The following GPC6 variants were observed in gnomAD, a reference collection of about 807,000 sequenced individuals.
GPC6 encodes glypican-6.
Under a neutral mutation model 55.2 loss-of-function variants are expected in GPC6, and 14 were observed. That is an observed-to-expected ratio of 0.25 (90% CI 0.17 to 0.40). The LOEUF (loss-of-function observed/expected upper bound fraction) is 0.40. Ranked by LOEUF, GPC6 falls within the 10% of genes least tolerant of loss-of-function variation. The pLI, the probability that GPC6 is intolerant of heterozygous loss-of-function variation, is 1.00. For missense variants in GPC6, 641 were observed against 708.5 expected (o/e 0.90, Z 1.08); for synonymous variants, 278 against 259.6 (o/e 1.07, Z -0.68).
intron 4 of GPC6, among the ~76,000 whole-genome samples, chr13:94,144,027 G>T (rs541860676): frequency 1.4e-4 from 21 of 152,306 alleles, no homozygotes; most frequent in Admixed American, 6.5e-4. Flanking sequence ...GTTGTTAAAC[G>T]TTTGATTTTG....
At chr13:94,365,830 T>C (rs1285685970) in intron 6 of GPC6, among the ~76,000 whole-genome samples, 1 of 152,180 alleles carries the variant, frequency 6.6e-6, no homozygotes, top group Non-Finnish European at 1.5e-5. Context: ...CCTGGTAAGT[T>C]CCAAATGTCT....
At chr13:93,866,686 C>T (rs1888975711) in intron 3 of GPC6, among the ~76,000 whole-genome samples, 1 of 151,534 alleles carries the variant, frequency 6.6e-6, no homozygotes. Flanking sequence ...CATGGACACA[C>T]AGAAGGGAAC....
chr13:94,336,076 C>G (rs965834045), intron 6 of GPC6, among the ~76,000 whole-genome samples: 1 of 152,010 alleles, frequency 6.6e-6, no homozygotes, highest in African/African-American at 2.4e-5. Flanking sequence ...CCCTGCAAAG[C>G]ATTTTGCTGG....
At chr13:93,492,442 G>A (rs372241094) in intron 1 of GPC6, among the ~76,000 whole-genome samples, 1 of 149,960 alleles carries the variant, frequency 6.7e-6, no homozygotes, top group African/African-American at 2.5e-5. Context: ...GGGGTTTTCT[G>A]GATAAACAAT....
chr13:94,163,561 G>T (rs1479621143), intron 4 of GPC6, among the ~76,000 whole-genome samples: 1 of 152,108 alleles, frequency 6.6e-6, no homozygotes, highest in Non-Finnish European at 1.5e-5. Flanking sequence ...TTTTTAAAAG[G>T]TAGCTTTATT....
intron 2 of GPC6, among the ~76,000 whole-genome samples, chr13:93,651,176 G>C (rs1324565693): frequency 6.6e-6 from 1 of 151,576 alleles, no homozygotes; most frequent in African/African-American, 2.4e-5. Flanking sequence ...AAATGCAGAA[G>C]ATTATTAAAA....
intron 1 of GPC6, among the ~76,000 whole-genome samples, chr13:93,307,051 T>G (rs1823468051): frequency 6.6e-6 from 1 of 152,162 alleles, no homozygotes. Flanking sequence ...TTTTTATTTC[T>G]TTTCTGTTTT....
chr13:94,284,487 C>T (rs1478554132), intron 4 of GPC6, among the ~76,000 whole-genome samples: 1 of 151,404 alleles, frequency 6.6e-6, no homozygotes, highest in Non-Finnish European at 1.5e-5. Context: ...TACTTTTAGA[C>T]ATCATGTTAT....
At chr13:94,366,153 T>G (rs1029119874) in intron 6 of GPC6, among the ~76,000 whole-genome samples, 25 of 152,220 alleles carry the variant, frequency 1.6e-4, no homozygotes, top group Non-Finnish European at 2.1e-4. Flanking sequence ...ATGAGTTTCC[T>G]AAGTATCATC....
At chr13:94,249,288 C>T (rs1465464579) in intron 4 of GPC6, among the ~76,000 whole-genome samples, 3 of 152,112 alleles carry the variant, frequency 2.0e-5, no homozygotes, top group Non-Finnish European at 2.9e-5. Flanking sequence ...AGTGTAATCA[C>T]ACATCATTAG....
At chr13:93,384,457 G>A (rs979231332) in intron 1 of GPC6, among the ~76,000 whole-genome samples, 15 of 151,440 alleles carry the variant, frequency 9.9e-5, no homozygotes, top group Admixed American at 2.6e-4. Context: ...TGATTGGATC[G>A]ATGAATATGA....
intron 1 of GPC6, among the ~76,000 whole-genome samples, chr13:93,455,436 T>C (rs1237564023): frequency 6.6e-6 from 1 of 151,904 alleles, no homozygotes; most frequent in Non-Finnish European, 1.5e-5. Context: ...GCCTTCAGCT[T>C]GGGTATGTTT....
intron 4 of GPC6, among the ~76,000 whole-genome samples, chr13:94,242,059 C>T (rs952343292): frequency 1.3e-5 from 2 of 151,840 alleles, no homozygotes; most frequent in Admixed American, 6.6e-5. Flanking sequence ...CTAATGCTAT[C>T]CCTCCCCACT....
intron 2 of GPC6, among the ~76,000 whole-genome samples, chr13:93,739,183 G>A (rs929271100): frequency 2.0e-5 from 3 of 151,866 alleles, no homozygotes; most frequent in Non-Finnish European, 4.4e-5. Context: ...AAATTCATGG[G>A]AAAATTGTTA....
chr13:93,732,119 C>A (rs1883845881), intron 2 of GPC6, among the ~76,000 whole-genome samples: 2 of 152,162 alleles, frequency 1.3e-5, no homozygotes, highest in South Asian at 4.1e-4. Flanking sequence ...GCTTTCTATT[C>A]TGAGAGAAAA....
intron 4 of GPC6, among the ~76,000 whole-genome samples, chr13:94,158,854 T>C (rs1888053159): frequency 6.6e-6 from 1 of 152,120 alleles, no homozygotes; most frequent in Admixed American, 6.6e-5. Context: ...ACAAGGATAA[T>C]TACAAGACAT....
intron 1 of GPC6, among the ~76,000 whole-genome samples, chr13:93,477,353 A>G (rs1879337849): frequency 6.6e-6 from 1 of 152,170 alleles, no homozygotes; most frequent in African/African-American, 2.4e-5. Flanking sequence ...TGAATGAGAG[A>G]AAGGAAGATC....
At chr13:93,626,388 C>T (rs1879201592) in intron 2 of GPC6, among the ~76,000 whole-genome samples, 1 of 152,240 alleles carries the variant, frequency 6.6e-6, no homozygotes, top group Non-Finnish European at 1.5e-5. Context: ...CCTCAAACAT[C>T]TTCCAGATTC....
chr13:94,283,088 C>T lies in GPC6; in HGVS notation c.878-3261C>T, dbSNP rs114286568. ...GATCACCAGCTTTGCATCTTAAAGT[C>T]ATCCATGTGTCTTTTACTCCCTTAT... On this transcript the variant is annotated intron_variant, in intron 4 of 8. Transcript: ENST00000377047. Among the ~76,000 whole-genome samples the T allele has an allele frequency of 3.7e-3, 561 of 152,338 alleles. 4 individuals carry two copies. Among genetic ancestry groups the T allele is most frequent in the African/African-American group, 0.013 (535 of 41,590 alleles).
Sources: gnomAD v4.1 joint callset for allele counts (sites outside exome capture counted in the v4.1 genomes callset) on GRCh38, gnomAD v4.1.1 for gene constraint, MANE v1.5 for transcripts, NCBI Gene and HGNC (gene_info 2026-07-23, HGNC 2026-07-21) for gene names.